Variants in MARCHF3 observed in about 807,000 individuals in gnomAD.
MARCHF3 encodes the protein E3 ubiquitin-protein ligase MARCHF3.
A neutral mutation model predicts 24.2 loss-of-function variants in MARCHF3; 13 were observed. That is an observed-to-expected ratio of 0.54 (90% confidence interval 0.35 to 0.85). MARCHF3 has a LOEUF of 0.85. Among genes scored for constraint, MARCHF3 ranks in the 40% least tolerant of loss-of-function variants. The probability of loss-of-function intolerance (pLI) is 0.01; values close to 1 mark genes in which losing one functional copy is unlikely to be tolerated. For missense variants in MARCHF3, 276 were observed against 325.0 expected, an observed-to-expected ratio of 0.85 and a Z score of 1.16; for synonymous variants, 144 against 137.3, an observed-to-expected ratio of 1.05 and a Z score of -0.34.
intron 1 of MARCHF3, among the ~76,000 whole-genome samples, chr5:126,924,261 A>G (rs909798926): frequency 9.2e-5 from 14 of 152,352 alleles, no homozygotes; most frequent in African/African-American, 3.1e-4. Flanking sequence ...TCCAGGATCC[A>G]TAAGTCTGAC....
chr5:126,954,136 C>A (rs1173166508), intron 1 of MARCHF3, among the ~76,000 whole-genome samples: 3 of 151,894 alleles, frequency 2.0e-5, no homozygotes, highest in Non-Finnish European at 4.4e-5. Flanking sequence ...GGCTTCACGC[C>A]ATTCTCCTGC....
At chr5:126,988,802 C>G (rs1197600823) in intron 1 of MARCHF3, among the ~76,000 whole-genome samples, 2 of 151,948 alleles carry the variant, frequency 1.3e-5, no homozygotes, top group East Asian at 3.9e-4. Context: ...CATCTATTAC[C>G]ACAGAGACAT....
chr5:126,956,873 G>T (rs1580680365), intron 1 of MARCHF3, among the ~76,000 whole-genome samples: 2 of 152,030 alleles, frequency 1.3e-5, no homozygotes, highest in East Asian at 3.8e-4. Flanking sequence ...TCATGACTAG[G>T]TTTTATCATT....
intron 1 of MARCHF3, among the ~76,000 whole-genome samples, chr5:126,940,965 A>G (rs777568031): frequency 2.6e-5 from 4 of 152,140 alleles, no homozygotes; most frequent in Non-Finnish European, 2.9e-5. Flanking sequence ...ATACTTTTGC[A>G]ACTGTATATT....
intron 1 of MARCHF3, among the ~76,000 whole-genome samples, chr5:127,019,658 A>G (rs1029549123): frequency 6.6e-6 from 1 of 152,240 alleles, no homozygotes; most frequent in Non-Finnish European, 1.5e-5. Context: ...ATGGTCCCTG[A>G]GGACAACAGA....
chr5:126,915,112 A>G lies in MARCHF3; in HGVS notation c.211T>C (p.Cys71Arg). The G allele has an allele frequency of 6.2e-7, 1 of 1,613,988 alleles. No individual in the cohort carries two copies. Among genetic ancestry groups the G allele is most frequent in the Non-Finnish European group, 8.5e-7 (1 of 1,180,032 alleles). The part of the protein sequence containing the change: ...TQSPFNDRPM[C>R]RICHEGSSQE... The stretch of plus-strand genomic sequence containing the variant: ...CTGCTGCCCTCGTGGCAGATCCTGC[A>G]CATCGGCCGGTCATTGAAGGGGCTG... The change falls in exon 3 of 5, where the codon TGC (cysteine) becomes CGC (arginine). Residue 71 changes from cysteine (C) to arginine (R), a missense_variant. Cys to Arg is a radical substitution (Grantham distance 180). Transcript: ENST00000308660.
At chr5:127,006,437 C>A (rs925212389) in intron 1 of MARCHF3, among the ~76,000 whole-genome samples, 2 of 152,124 alleles carry the variant, frequency 1.3e-5, no homozygotes, top group African/African-American at 4.8e-5. Flanking sequence ...TAAATTCACA[C>A]AGACTGTAAA....
At chr5:126,994,795 T>C (rs915661525) in intron 1 of MARCHF3, among the ~76,000 whole-genome samples, 2 of 152,222 alleles carry the variant, frequency 1.3e-5, no homozygotes, top group African/African-American at 2.4e-5. Flanking sequence ...AGGAAGCCAG[T>C]GGTGGCCCAG....
chr5:126,946,763 T>G (rs924576507), intron 1 of MARCHF3, among the ~76,000 whole-genome samples: 25 of 120,002 alleles, frequency 2.1e-4, no homozygotes, highest in African/African-American at 3.3e-4. Flanking sequence ...TAAGTAGGGG[T>G]GTGTGTGTGT....
At chr5:126,904,326 C>T (rs1386218844) in intron 3 of MARCHF3, among the ~76,000 whole-genome samples, 3 of 150,430 alleles carry the variant, frequency 2.0e-5, no homozygotes, top group Non-Finnish European at 4.4e-5. Flanking sequence ...TGGGTATATA[C>T]CCAGTAATGG....
intron 3 of MARCHF3, among the ~76,000 whole-genome samples, chr5:126,910,973 G>A (rs949199213): frequency 1.3e-5 from 2 of 152,152 alleles, no homozygotes; most frequent in African/African-American, 2.4e-5. Flanking sequence ...TGGCTGCTTC[G>A]GGGGCAGCCG....
chr5:126,952,100 G>A (rs1179834908), intron 1 of MARCHF3, among the ~76,000 whole-genome samples: 1 of 152,142 alleles, frequency 6.6e-6, no homozygotes, highest in Non-Finnish European at 1.5e-5. Flanking sequence ...GATCACCTTG[G>A]CCTCCCAAAG....
intron 3 of MARCHF3, among the ~76,000 whole-genome samples, chr5:126,909,354 C>G (rs1018390775): frequency 4.6e-5 from 7 of 152,344 alleles, no homozygotes; most frequent in South Asian, 2.1e-4. Flanking sequence ...CCACCCAGTT[C>G]AAGCTTCCCG....
intron 3 of MARCHF3, among the ~76,000 whole-genome samples, chr5:126,892,347 G>C (rs1021229351): frequency 1.3e-4 from 20 of 150,486 alleles, no homozygotes; most frequent in African/African-American, 4.9e-4. Context: ...TGGTGAGAGA[G>C]GGCATCCCTG....
At chr5:126,888,667 A>C (rs573157063) in intron 3 of MARCHF3, among the ~76,000 whole-genome samples, 1 of 152,364 alleles carries the variant, frequency 6.6e-6, no homozygotes, top group Admixed American at 6.5e-5. Flanking sequence ...CCAAGACAGA[A>C]TGGAGAGCAA....
At chr5:126,890,279 T>G (rs924697727) in intron 3 of MARCHF3, among the ~76,000 whole-genome samples, 6 of 151,318 alleles carry the variant, frequency 4.0e-5, no homozygotes, top group Admixed American at 2.0e-4. Context: ...TTTGAGGTAA[T>G]GGTATGTTTT....
intron 1 of MARCHF3, among the ~76,000 whole-genome samples, chr5:126,983,580 C>A (rs1262529927): frequency 3.3e-5 from 5 of 152,186 alleles, no homozygotes; most frequent in African/African-American, 1.2e-4. Flanking sequence ...GAAGAGCTAA[C>A]TTTGGACTAG....
intron 1 of MARCHF3, among the ~76,000 whole-genome samples, chr5:126,937,648 A>G (rs932107052): frequency 2.0e-4 from 31 of 152,154 alleles, no homozygotes; most frequent in African/African-American, 7.5e-4. Context: ...AACCTGATTA[A>G]CTCGATTTCT....
intron 1 of MARCHF3, among the ~76,000 whole-genome samples, chr5:126,950,025 C>T (rs1343720862): frequency 1.3e-5 from 2 of 152,192 alleles, no homozygotes; most frequent in Non-Finnish European, 2.9e-5. Flanking sequence ...AGTACCCCAA[C>T]TCCAATAATC....
Sources: gnomAD v4.1 joint callset for allele counts (sites outside exome capture counted in the v4.1 genomes callset) on GRCh38, gnomAD v4.1.1 for gene constraint, MANE v1.5 for transcripts, NCBI Gene and HGNC (gene_info 2026-07-23, HGNC 2026-07-21) for gene names.